Variants in MYL10 observed in about 807,000 individuals in gnomAD.
MYL10 encodes the protein myosin regulatory light chain 10.
In MYL10, 18 loss-of-function variants were observed where a neutral mutation model predicts 21.9. The ratio of observed to expected loss-of-function variants is 0.82; its 90% CI spans 0.57 to 1.22. The LOEUF (loss-of-function observed/expected upper bound fraction) is 1.22, where lower values mean the gene tolerates loss of function less well. MYL10 is among the 50% of genes most tolerant of loss of function. The pLI, the probability that MYL10 is intolerant of heterozygous loss-of-function variation, is 0.00. For missense variants in MYL10, 225 were observed against 230.4 expected, an observed-to-expected ratio of 0.98 and a Z score of 0.15; for synonymous variants, 88 against 82.8, an observed-to-expected ratio of 1.06 and a Z score of -0.34.
rs950173330 is a variant in MYL10 at position 101,616,352 on chromosome 7, GGGACAGGCACAA to G, written c.455-66_455-55del. ...AGAGGCAGGTGAAGAGGGCCCCACA[GGGACAGGCACAA>G]GGCTGGGCAGGGGCTGGGGCTGGGG... On this transcript the variant is annotated intron_variant, in intron 5 of 7. Coordinates refer to ENST00000223167, the MANE Select transcript of MYL10 (RefSeq NM_138403.5). The G allele has an allele frequency of 2.1e-6, 3 of 1,449,892 alleles. No individual in the cohort carries two copies. In the African/African-American group the frequency reaches 4.2e-5, roughly 20 times the overall value. 89.8% of individuals were successfully genotyped at this position (1,449,892 alleles called of 1,614,324 possible).
intron 5 of MYL10, among the ~76,000 whole-genome samples, chr7:101,620,395 G>A (rs1796663954): frequency 6.6e-6 from 1 of 152,168 alleles, no homozygotes; most frequent in Non-Finnish European, 1.5e-5. Flanking sequence ...GCCATTGACG[G>A]CGAGGCTGAG....
chr7:101,626,399 G>A (rs1161731515), intron 1 of MYL10, among the ~76,000 whole-genome samples: 3 of 152,342 alleles, frequency 2.0e-5, no homozygotes, highest in Non-Finnish European at 4.4e-5. Flanking sequence ...GACAAGCGCT[G>A]AGAAGACAAG....
chr7:101,618,503 A>G (rs554849459), intron 5 of MYL10, among the ~76,000 whole-genome samples: 48 of 152,294 alleles, frequency 3.2e-4, no homozygotes, highest in African/African-American at 1.0e-3. Flanking sequence ...TTAGGCACCC[A>G]GCGCAGCCCT....
At chr7:101,626,152 G>T (rs1390841932) in intron 1 of MYL10, among the ~76,000 whole-genome samples, 2 of 152,234 alleles carry the variant, frequency 1.3e-5, no homozygotes, top group Non-Finnish European at 1.5e-5. Context: ...GCCTGGCTTG[G>T]CTGCTCCCAG....
At chr7:101,624,122 G>T in intron 2 of MYL10, 50 bp downstream of exon 2, 4 of 1,145,752 alleles carry the variant, frequency 3.5e-6, no homozygotes, top group Non-Finnish European at 5.3e-6. Flanking sequence ...TGAGCAACTG[G>T]CATGCATTCC....
At position 101,623,540 on chromosome 7, in the gene MYL10, A is replaced by T. The variant is rs182454412; in HGVS notation, c.273+380T>A. On this transcript the variant is annotated intron_variant, in intron 3 of 7. Coordinates refer to ENST00000223167, the MANE Select transcript of MYL10 (RefSeq NM_138403.5). The stretch of plus-strand genomic sequence containing the variant: ...TGAGACCCTGTCTCTACAAAACATT[A>T]AAAAATTAGCCAGGCATGGTGATGA... Among the ~76,000 whole-genome samples the T allele has an allele frequency of 3.7e-4, 56 of 151,910 alleles. 1 individual carries two copies. The highest frequency in any genetic ancestry group is 1.2e-3 in the African/African-American group (49 of 41,438).
At chr7:101,623,108 C>T (rs771354527) in intron 3 of MYL10, 36 bp from the exon 4 acceptor site, 2 of 1,590,586 alleles carry the variant, frequency 1.3e-6, no homozygotes, top group Admixed American at 1.7e-5. Flanking sequence ...GTCACCTGCC[C>T]TTCCAAGCCC....
chr7:101,613,525 C>T lies in MYL10; in HGVS notation c.631G>A (p.Asp211Asn), dbSNP rs961263806. The T allele has an allele frequency of 9.3e-6, 15 of 1,614,030 alleles. No individual in the cohort carries two copies. Among genetic ancestry groups the T allele is most frequent in the African/African-American group, 4.0e-5 (3 of 74,898 alleles). Reference protein sequence around the residue: ...AFPPDVCGNLDYRNLCYVITH... With the variant: ...AFPPDVCGNLNYRNLCYVITH... Reference sequence around the variant, plus strand: ...ATGACGTAGCACAGGTTTCTGTAGTCCAGGTTGCCGCACACATCTGGGGGA... The same window carrying T: ...ATGACGTAGCACAGGTTTCTGTAGTTCAGGTTGCCGCACACATCTGGGGGA... The change falls in exon 8 of 8, where the codon GAC becomes AAC. Residue 211 changes from aspartate to asparagine, a missense_variant. Asp to Asn is a conservative substitution (Grantham distance 23, BLOSUM62 1). Transcript: ENST00000223167.
chr7:101,620,795 C>CT (rs1158170322), intron 5 of MYL10, among the ~76,000 whole-genome samples: 112 of 95,078 alleles, frequency 1.2e-3, no homozygotes, highest in Admixed American at 1.9e-3. Context: ...TTTTTTTTTT[C>CT]TTTTTTTTTT....
intron 1 of MYL10, among the ~76,000 whole-genome samples, 200 bp from the exon 2 acceptor site, chr7:101,624,464 C>T (rs950134750): frequency 3.3e-5 from 5 of 152,212 alleles, no homozygotes; most frequent in African/African-American, 4.8e-5. Context: ...GAAGCCTGCA[C>T]GGCGTGCACC....
chr7:101,617,404 T>C (rs1278038672), intron 5 of MYL10, among the ~76,000 whole-genome samples: 4 of 152,186 alleles, frequency 2.6e-5, no homozygotes, highest in Non-Finnish European at 5.9e-5. Flanking sequence ...TGGTTTATCA[T>C]AGAAAAAACA....
chr7:101,620,172 A>G (rs978164511), intron 5 of MYL10, among the ~76,000 whole-genome samples: 1 of 152,000 alleles, frequency 6.6e-6, no homozygotes, highest in Non-Finnish European at 1.5e-5. Context: ...AAATACAAAA[A>G]AATTTAGCGG....
At chr7:101,617,000 A>G (rs1302446675) in intron 5 of MYL10, among the ~76,000 whole-genome samples, 1 of 152,254 alleles carries the variant, frequency 6.6e-6, no homozygotes, top group Non-Finnish European at 1.5e-5. Flanking sequence ...TTGAATGTGC[A>G]GCCCCCACAT....
chr7:101,629,271 G>A lies in MYL10; in HGVS notation c.-153C>T, dbSNP rs532245030. 8 of 256,002 alleles carry A rather than the reference G, an allele frequency of 3.1e-5. No individual in the cohort carries two copies. Among genetic ancestry groups the A allele is most frequent in the South Asian group, 7.8e-5 (2 of 25,804 alleles). 15.9% of individuals were successfully genotyped at this position (256,002 alleles called of 1,614,324 possible). On this transcript the variant is annotated 5_prime_UTR_variant, in exon 1 of 8. Transcript: ENST00000223167. Reference sequence around the variant, plus strand: ...TGCCCAGCTGCTCAAACCTCTAGGCGGACCATGCAGACAGGCAGGCTATGG... The same window carrying A: ...TGCCCAGCTGCTCAAACCTCTAGGCAGACCATGCAGACAGGCAGGCTATGG...
At chr7:101,619,889 CAAAAAA>C (rs60752793) in intron 5 of MYL10, among the ~76,000 whole-genome samples, 2 of 102,612 alleles carry the variant, frequency 1.9e-5, no homozygotes. Context: ...GACTCCGTCT[CAAAAAA>C]AAAAAAAAAA....
Position 101,626,055 on chromosome 7 carries a change from T to C in MYL10, c.79-1791A>G, listed in dbSNP as rs1004323723. The stretch of plus-strand genomic sequence containing the variant: ...GCAGCCCAGCTGTCTTGAAAATTCC[T>C]TTTGAGAATGGGCCCCTGAAAAATA... On this transcript the variant is annotated intron_variant, in intron 1 of 7. Transcript: ENST00000223167. Among the ~76,000 whole-genome samples, 12 of 152,292 alleles carry C rather than the reference T, an allele frequency of 7.9e-5. No individual in the cohort carries two copies. The South Asian group carries it at 2.1e-3, about 26-fold the overall frequency.
At chr7:101,613,731 G>A (rs552381204) in intron 6 of MYL10, 21 bp from the exon 7 acceptor site, 1 of 1,613,684 alleles carries the variant, frequency 6.2e-7, no homozygotes, top group Admixed American at 1.7e-5. Flanking sequence ...GAGAGACACA[G>A]TCATGTTCAG....
intron 1 of MYL10, chr7:101,627,475 C>T (rs1318387701): frequency 1.3e-5 from 2 of 152,826 alleles, no homozygotes; most frequent in African/African-American, 2.4e-5. Context: ...CAACCCCAGC[C>T]TACCATGGTC....
At chr7:101,626,659 A>G (rs4727504) in intron 1 of MYL10, among the ~76,000 whole-genome samples, 147,957 of 152,228 alleles carry the variant, frequency 0.97, 71,913 homozygotes, top group East Asian at 1. Context: ...ACGCTGCCCC[A>G]AATACTGACC....
Sources: allele counts gnomAD v4.1 joint callset (sites outside exome capture counted in the v4.1 genomes callset), GRCh38; gene constraint gnomAD v4.1.1; transcripts MANE v1.5; gene names NCBI Gene and HGNC (gene_info 2026-07-23, HGNC 2026-07-21).